Variants in GBP4 observed in about 807,000 individuals in gnomAD.
GBP4 encodes the protein guanylate binding protein 4.
In GBP4, 69 loss-of-function variants were observed where a neutral mutation model predicts 62.2. The ratio of observed to expected loss-of-function variants is 1.11; its 90% CI spans 0.91 to 1.36. GBP4 has a LOEUF of 1.36. GBP4 is among the 40% of genes most tolerant of loss of function. The pLI is 0.00. For synonymous variants in GBP4, 278 were observed against 274.6 expected (o/e 1.01, Z -0.12); for missense variants, 697 against 759.3 (o/e 0.92, Z 0.96).
In GBP4 at chr1:89,190,304, C is replaced by A. The variant is rs1405593087; in HGVS notation, c.931G>T (p.Val311Leu). The A allele has an allele frequency of 1.2e-6, 2 of 1,604,776 alleles. No individual in the cohort carries two copies. The highest frequency in any genetic ancestry group is 1.7e-6 in the Non-Finnish European group (2 of 1,172,374). Reference sequence around the variant, plus strand: ...TTGATGGCATCTACATAAGTCACCACCAGAGTCCCCAGCCCTGAATCACAT... The same window carrying A: ...TTGATGGCATCTACATAAGTCACCAACAGAGTCCCCAGCCCTGAATCACAT... The part of the protein sequence containing the change: ...IVTGKRLGTL[V>L]VTYVDAINSG... The change falls in exon 7 of 11, where the codon GTG (valine) becomes TTG (leucine). Residue 311 changes from valine (V) to leucine (L), a missense_variant. By Grantham distance (32) the Val-to-Leu change is conservative (BLOSUM62 1). Transcript: ENST00000355754.
Position 89,184,297 on chromosome 1 carries a change from G to T in GBP4, c.*957C>A, listed in dbSNP as rs1647969285. The T allele has an allele frequency of 6.6e-6, 1 of 152,214 alleles. No individual in the cohort carries two copies. Among genetic ancestry groups the T allele is most frequent in the East Asian group, 1.9e-4 (1 of 5,178 alleles). The allele number at this position is 152,214 out of a possible 1,614,324, so 9.4% of individuals were successfully genotyped here. ...GAAAGCAGGTTGGTGATTCCTCAAA[G>T]AACTCAGAATTACCATTCAACTCAG... On this transcript the variant is annotated 3_prime_UTR_variant, in exon 11 of 11. Coordinates refer to ENST00000355754, the MANE Select transcript of GBP4 (RefSeq NM_052941.5).
Position 89,196,297 on chromosome 1 carries a change from A to G in GBP4, c.235+813T>C, listed in dbSNP as rs371235964. 1.2e-4 allele frequency among the ~76,000 whole-genome samples: 18 copies of G among 152,350 alleles called. No individual in the cohort carries two copies. The East Asian group carries it at 3.1e-3, about 26-fold the overall frequency. ...TTATAAACTTCTTATTGAGCAAAAG[A>G]AGCAAGACATCCAAAAATACACACA... On this transcript the variant is annotated intron_variant, in intron 2 of 10. Coordinates refer to ENST00000355754, the MANE Select transcript of GBP4 (RefSeq NM_052941.5).
At chr1:89,191,965 G>A (rs574880196) in intron 5 of GBP4, among the ~76,000 whole-genome samples, 3 of 152,066 alleles carry the variant, frequency 2.0e-5, no homozygotes, top group Non-Finnish European at 4.4e-5. Flanking sequence ...TGATACCCAA[G>A]TCAGTAATAA....
intron 3 of GBP4, among the ~76,000 whole-genome samples, chr1:89,194,501 G>A (rs1648271390): frequency 6.6e-6 from 1 of 152,158 alleles, no homozygotes; most frequent in South Asian, 2.1e-4. Context: ...TTAAAGTTCA[G>A]AATTGCTAAG....
At chr1:89,194,116 G>A (rs1648264630) in intron 3 of GBP4, among the ~76,000 whole-genome samples, 1 of 152,194 alleles carries the variant, frequency 6.6e-6, no homozygotes, top group African/African-American at 2.4e-5. Flanking sequence ...GACGGATAAA[G>A]CAGGTGGAAA....
rs976670960 is a variant in GBP4, at chr1:89,182,290, T to C, written c.*2964A>G. On this transcript the variant is annotated 3_prime_UTR_variant, in exon 11 of 11. Coordinates refer to ENST00000355754, the MANE Select transcript of GBP4 (RefSeq NM_052941.5). ...TCCTTGAATGCACAATTTCTGTCCC[T>C]TTTAAGGGCTCACAACACTAAAGAT... The C allele has an allele frequency of 8.5e-5, 13 of 152,130 alleles. No homozygotes were observed. The highest frequency in any genetic ancestry group is 7.9e-4 in the Admixed American group (12 of 15,280). 9.4% of individuals were successfully genotyped at this position (152,130 alleles called of 1,614,324 possible).
chr1:89,185,414 T>G lies in GBP4; in HGVS notation c.1763A>C (p.Lys588Thr). 1.9e-6 allele frequency: 3 copies of G among 1,582,848 alleles called. No homozygotes were observed. Among genetic ancestry groups the G allele is most frequent in the Non-Finnish European group, 2.6e-6 (3 of 1,151,664 alleles). The change falls in exon 11 of 11, where the codon AAA becomes ACA. Residue 588 changes from lysine to threonine, a missense_variant. Transcript: ENST00000355754. ...TTTTTCTTTCAGTTGATTAATCTCT[T>G]TATTTAACTGCTCAGATTTCTTTTG... ...EFQKKSEQLN[K>T]EINQLKEKIE... is the part of the protein sequence containing the mutation.
rs544037122 is a variant in GBP4 at position 89,188,716 on chromosome 1, TA to T, written c.1275del (p.Lys426SerfsTer7). On this transcript the variant is annotated frameshift_variant, in exon 8 of 11. Transcript: ENST00000355754. LOFTEE classifies it high-confidence loss of function. ...TCTGTCAGGTGCTCTGAAAGCCGCT[TA>T]AGCTCAGCCTGGCAATATTTGGCAG... The part of the protein sequence containing the change: ...EASAKYCQAE[L>X]KRLSEHLTES... 205 of 1,614,260 alleles carry T rather than the reference TA, an allele frequency of 1.3e-4. 2 individuals carry two copies. In the South Asian group the frequency reaches 2.1e-3, roughly 17 times the overall value.
rs747351685 is a variant in GBP4, at chr1:89,190,128, G to C, written c.1107C>G (p.Asp369Glu). 1 of 1,614,114 alleles carries C rather than the reference G, an allele frequency of 6.2e-7. No individual in the cohort carries two copies. Among genetic ancestry groups the C allele is most frequent in the Admixed American group, 1.7e-5 (1 of 60,024 alleles). The change falls in exon 7 of 11, where the codon GAC becomes GAG. Residue 369 changes from aspartate to glutamate, a missense_variant. Physicochemically the swap from Asp to Glu is conservative, Grantham distance 45. Around this residue, in one of 2 missense-constraint regions of GBP4, gnomAD observed 556 missense variants for 562.7 expected, o/e 0.99. Transcript: ENST00000355754. ...CTTCCCTCTCACAGGCTGCATGCAC[G>C]TCCAGCAGCTCCTGGAGCGTGTCTG... ...LPTDTLQELL[D>E]VHAACEREAI...
chr1:89,193,780 G>T (rs1648252795), intron 3 of GBP4, among the ~76,000 whole-genome samples: 1 of 152,188 alleles, frequency 6.6e-6, no homozygotes, highest in Non-Finnish European at 1.5e-5. Context: ...TTGTGTATCT[G>T]ACAAAATGCA....
chr1:89,193,463 A>ATTCT, intron 3 of GBP4, 51 bp from the exon 4 acceptor site: 1 of 1,469,760 alleles, frequency 6.8e-7, no homozygotes, highest in African/African-American at 1.4e-5. Flanking sequence ...TCATTCATTC[A>ATTCT]TTCATTCATT....
At chr1:89,198,095 G>C (rs1648395516) in intron 1 of GBP4, among the ~76,000 whole-genome samples, 1 of 152,218 alleles carries the variant, frequency 6.6e-6, no homozygotes, top group East Asian at 1.9e-4. Flanking sequence ...AATGGTTACA[G>C]GAAAGTAAAC....
chr1:89,190,204 C>T lies in GBP4; in HGVS notation c.1031G>A (p.Arg344Lys). The change falls in exon 7 of 11, where the codon AGG becomes AAG. Residue 344 changes from arginine (R) to lysine (K), a missense_variant. By Grantham distance (26) the Arg-to-Lys change is conservative. Coordinates refer to ENST00000355754, the MANE Select transcript of GBP4 (RefSeq NM_052941.5). Reference protein sequence around the residue: ...AQLENPAAVQRAADHYSQQMA... With the variant: ...AQLENPAAVQKAADHYSQQMA... The stretch of plus-strand genomic sequence containing the variant: ...CTGCTGGCTATAGTGGTCGGCTGCC[C>T]TCTGCACAGCCGCTGGGTTCTCAAG... The T allele has an allele frequency of 1.2e-6, 2 of 1,614,200 alleles. No homozygotes were observed. The highest frequency in any genetic ancestry group is 1.7e-6 in the Non-Finnish European group (2 of 1,180,028).
In GBP4 at chr1:89,193,414, T is replaced by C. The variant is rs1201167299; in HGVS notation, c.364-2A>G. On this transcript the variant is annotated splice_acceptor_variant, in intron 3 of 10. Coordinates refer to ENST00000355754, the MANE Select transcript of GBP4 (RefSeq NM_052941.5). LOFTEE classifies it high-confidence loss of function. The stretch of plus-strand genomic sequence containing the variant: ...CCACGAGTCATTCTTAGGGTTACTC[T>C]AGAAAGCATATAAAGCAAAAGACTT... 5 of 1,610,810 alleles carry C rather than the reference T, an allele frequency of 3.1e-6. No individual in the cohort carries two copies. The Admixed American group carries it at 6.7e-5, about 21-fold the overall frequency.
Position 89,186,485 on chromosome 1 carries a change from G to A in GBP4, c.1555C>T (p.Leu519=), listed in dbSNP as rs151234239. Residue 519 remains leucine (L), a synonymous_variant, in exon 10 of 11, where the codon CTG becomes TTG. Coordinates refer to ENST00000355754, the MANE Select transcript of GBP4 (RefSeq NM_052941.5). The part of the protein sequence containing the change: ...MKEAAEKEQE[L]LREKQKEQQQ... ...TGCTCCTTCTGTTTTTCTCTTAGCA[G>A]CTCCTGTTCCTTCTCAGCTGCTTCC... 3 of 1,613,994 alleles carry A rather than the reference G, an allele frequency of 1.9e-6. No individual in the cohort carries two copies. In the African/African-American group the frequency reaches 4.0e-5, roughly 22 times the overall value.
At chr1:89,197,930 C>A (rs1047508579) in intron 1 of GBP4, among the ~76,000 whole-genome samples, 1 of 151,868 alleles carries the variant, frequency 6.6e-6, no homozygotes, top group East Asian at 1.9e-4. Context: ...CTTTATTAGC[C>A]GGCGACCGAG....
chr1:89,187,081 A>C lies in GBP4; in HGVS notation c.1432T>G (p.Phe478Val), dbSNP rs1648056193. Residue 478 changes from phenylalanine (F) to valine (V), a missense_variant, in exon 9 of 11, where the codon TTC becomes GTC. Physicochemically the swap from Phe to Val is conservative, Grantham distance 50. Around this residue, in one of 2 missense-constraint regions of GBP4, gnomAD observed 141 missense variants for 196.6 expected, o/e 0.72. Coordinates refer to ENST00000355754, the MANE Select transcript of GBP4 (RefSeq NM_052941.5). The stretch of plus-strand genomic sequence containing the variant: ...TCTACAACCACCTGTGACTGCAGGA[A>C]GTTCTGGAGGACCTCGTTTGCCTGA... ...GVKANEVLQN[F>V]LQSQVVVEES... is the part of the protein sequence containing the mutation. The C allele has an allele frequency of 6.2e-6, 10 of 1,614,140 alleles. No homozygotes were observed. Among genetic ancestry groups the C allele is most frequent in the African/African-American group, 1.3e-5 (1 of 75,046 alleles).
intron 5 of GBP4, 44 bp downstream of exon 5, chr1:89,192,860 T>C (rs1268017032): frequency 6.3e-7 from 1 of 1,581,500 alleles, no homozygotes; most frequent in Non-Finnish European, 8.6e-7. Context: ...TAGTTGATCC[T>C]ACCCCCCACT....
At position 89,184,980 on chromosome 1, in the gene GBP4, C is replaced by A. The variant is rs1264278000; in HGVS notation, c.*274G>T. On this transcript the variant is annotated 3_prime_UTR_variant, in exon 11 of 11. Transcript: ENST00000355754. The stretch of plus-strand genomic sequence containing the variant: ...ATGGTTAATGGCTTCTTAATCTTAC[C>A]AGTTGTCTTTTTGCTTTCCTTAAAT... 3.6e-6 allele frequency: 1 copy of A among 274,998 alleles called. No homozygotes were observed. The highest frequency in any genetic ancestry group is 6.7e-6 in the Non-Finnish European group (1 of 149,050). 17.0% of individuals were successfully genotyped at this position (274,998 alleles called of 1,614,324 possible).
Sources: gnomAD v4.1 joint callset for allele counts (sites outside exome capture counted in the v4.1 genomes callset) on GRCh38, gnomAD v4.1.1 for gene constraint, gnomAD v4.1.1 regional missense constraint, MANE v1.5 for transcripts, NCBI Gene and HGNC (gene_info 2026-07-23, HGNC 2026-07-21) for gene names.